Variants in NRDC observed in about 807,000 individuals in gnomAD.
NRDC encodes the protein nardilysin convertase.
Under a neutral mutation model 147.1 loss-of-function variants are expected in NRDC, and 54 were observed. That is an observed-to-expected ratio of 0.37 (90% CI 0.29 to 0.46). The LOEUF (loss-of-function observed/expected upper bound fraction) is 0.46, where lower values mean the gene tolerates loss of function less well. Ranked by LOEUF, NRDC falls within the 20% of genes least tolerant of loss-of-function variation. The pLI, the probability that NRDC is intolerant of heterozygous loss-of-function variation, is 1.00. For synonymous variants in NRDC, 440 were observed against 482.1 expected (o/e 0.91, Z 1.14); for missense variants, 1,082 against 1,370.6 (o/e 0.79, Z 3.33).
intron 15 of NRDC, among the ~76,000 whole-genome samples, chr1:51,811,587 C>T (rs774228910): frequency 1.3e-5 from 2 of 152,118 alleles, no homozygotes; most frequent in Non-Finnish European, 2.9e-5. Flanking sequence ...ATTCGGGAAC[C>T]TTACATTTTT....
chr1:51,790,751 A>G (rs534088608), intron 28 of NRDC, 102 bp from the exon 29 acceptor site: 2 of 990,352 alleles, frequency 2.0e-6, no homozygotes, highest in East Asian at 2.4e-5. Flanking sequence ...ACATGCCAGT[A>G]TAAGAGGCAC....
At position 51,792,045 on chromosome 1, in the gene NRDC, C is replaced by T. The variant is rs1678683034; in HGVS notation, c.2876+1G>A. ...CTCAGTGGCCCTGCCAGCTGACTTACCCAAGGGTCTGCTTGGTTCGAAGGA... is the reference window on the plus strand; with the variant it reads ...CTCAGTGGCCCTGCCAGCTGACTTATCCAAGGGTCTGCTTGGTTCGAAGGA... On this transcript the variant is annotated splice_donor_variant, in intron 26 of 30. Coordinates refer to ENST00000352171, the MANE Select transcript of NRDC (RefSeq NM_001101662.2). LOFTEE classifies it high-confidence loss of function. 6.2e-7 allele frequency: 1 copy of T among 1,613,964 alleles called. No homozygotes were observed.
Position 51,838,511 on chromosome 1 carries a change from C to T in NRDC, c.630+1715G>A, listed in dbSNP as rs181916732. ...GTCAGATCATGGGAAAAGCTACTTA[C>T]AGATAGATGGAAAGATATAGAAAAA... On this transcript the variant is annotated intron_variant, in intron 2 of 30. Coordinates refer to ENST00000352171, the MANE Select transcript of NRDC (RefSeq NM_001101662.2). Among the ~76,000 whole-genome samples the T allele has an allele frequency of 1.5e-3, 221 of 152,056 alleles. 1 individual carries two copies. Among genetic ancestry groups the T allele is most frequent in the Admixed American group, 5.6e-3 (86 of 15,266 alleles).
chr1:51,859,407 G>T (rs186628847), intron 1 of NRDC, among the ~76,000 whole-genome samples: 13 of 152,330 alleles, frequency 8.5e-5, no homozygotes, highest in Admixed American at 2.6e-4. Flanking sequence ...GGAGTCAGAG[G>T]TCTGGATGTA....
chr1:51,811,953 C>T, intron 15 of NRDC, 41 bp downstream of exon 15: 1 of 1,322,678 alleles, frequency 7.6e-7, no homozygotes, highest in Admixed American at 1.7e-5. Flanking sequence ...TCACCCTCCT[C>T]TTCCCCTAAA....
At chr1:51,795,292 A>C (rs1000873604) in intron 22 of NRDC, 48 of 1,040,896 alleles carry the variant, frequency 4.6e-5, no homozygotes, top group Non-Finnish European at 3.9e-5. Context: ...CTTATCTATA[A>C]AATAAGGGAT....
chr1:51,800,547 T>G lies in NRDC; in HGVS notation c.2441+9A>C. On this transcript the variant is annotated intron_variant, in intron 21 of 30. Transcript: ENST00000352171. ...CCTCAAAATATAAGCTCATCTCATT[T>G]ATACCCACTTGGCCAAAGTCTCGGG... 3 of 1,613,872 alleles carry G rather than the reference T, an allele frequency of 1.9e-6. No homozygotes were observed. Among genetic ancestry groups the G allele is most frequent in the Non-Finnish European group, 2.5e-6 (3 of 1,179,876 alleles).
intron 3 of NRDC, among the ~76,000 whole-genome samples, chr1:51,835,789 G>A (rs1680937609): frequency 6.6e-6 from 1 of 152,150 alleles, no homozygotes; most frequent in Non-Finnish European, 1.5e-5. Context: ...TCTGATGTTT[G>A]GCTGGGGGCC....
At chr1:51,804,930 G>C (rs59159176) in intron 19 of NRDC, among the ~76,000 whole-genome samples, 24 of 125,624 alleles carry the variant, frequency 1.9e-4, no homozygotes, top group African/African-American at 4.3e-4. Flanking sequence ...ACACATTTCC[G>C]AAGTATCAAC....
At chr1:51,814,849 C>A in intron 11 of NRDC, 36 bp from the exon 12 acceptor site, 1 of 1,540,720 alleles carries the variant, frequency 6.5e-7, no homozygotes, top group South Asian at 1.3e-5. Flanking sequence ...AATCAATGTT[C>A]CTGGATTGAC....
chr1:51,845,696 C>T (rs1031337011), intron 1 of NRDC, among the ~76,000 whole-genome samples: 2 of 152,178 alleles, frequency 1.3e-5, no homozygotes, highest in African/African-American at 4.8e-5. Context: ...TCTCTTTTAT[C>T]CTACTTTAAC....
chr1:51,816,524 T>C (rs1023099389), intron 10 of NRDC, 135 bp from the exon 11 acceptor site: 3 of 423,158 alleles, frequency 7.1e-6, no homozygotes. Flanking sequence ...AACATGAAAT[T>C]ATAATTAATT....
intron 1 of NRDC, among the ~76,000 whole-genome samples, chr1:51,857,657 T>C (rs548592621): frequency 6.6e-6 from 1 of 152,246 alleles, no homozygotes; most frequent in African/African-American, 2.4e-5. Flanking sequence ...CCGAACTGGG[T>C]TTGGAAGTCA....
Position 51,878,659 on chromosome 1 carries a change from C to A in NRDC, c.-44G>T. 6.5e-7 allele frequency: 1 copy of A among 1,538,184 alleles called. No individual in the cohort carries two copies. Among genetic ancestry groups the A allele is most frequent in the Non-Finnish European group, 8.8e-7 (1 of 1,131,850 alleles). ...GATGGACATCCCGCTTCCCAGGACC[C>A]ACCTCCTCCGCGTTCTAGAGGCGGT... On this transcript the variant is annotated 5_prime_UTR_variant, in exon 1 of 31. Coordinates refer to ENST00000352171, the MANE Select transcript of NRDC (RefSeq NM_001101662.2).
chr1:51,826,421 G>C (rs899190671), intron 5 of NRDC, among the ~76,000 whole-genome samples: 3 of 152,112 alleles, frequency 2.0e-5, no homozygotes, highest in African/African-American at 7.2e-5. Flanking sequence ...AACACTTAGA[G>C]ACCATATTTG....
chr1:51,858,374 G>A (rs1682359904), intron 1 of NRDC, among the ~76,000 whole-genome samples: 1 of 151,774 alleles, frequency 6.6e-6, no homozygotes, highest in South Asian at 2.1e-4. Context: ...AGCTACTCAG[G>A]AGGCTGAGGT....
intron 1 of NRDC, among the ~76,000 whole-genome samples, chr1:51,865,463 C>G (rs1682761087): frequency 6.6e-6 from 1 of 151,964 alleles, no homozygotes; most frequent in African/African-American, 2.4e-5. Flanking sequence ...CATGATCATG[C>G]CTGGCTAATT....
intron 21 of NRDC, chr1:51,798,946 G>C (rs1001173205): frequency 2.6e-5 from 4 of 152,128 alleles, no homozygotes; most frequent in African/African-American, 4.8e-5. Context: ...TGTAAAACAG[G>C]GGAAGTATTC....
intron 1 of NRDC, among the ~76,000 whole-genome samples, chr1:51,845,592 CAAAAAAAAGA>C (rs1557926420): frequency 6.7e-6 from 1 of 149,090 alleles, no homozygotes; most frequent in Non-Finnish European, 1.5e-5. Flanking sequence ...GACTCCGTCA[CAAAAAAAAGA>C]AAAGAAAAGA....
Sources: allele counts gnomAD v4.1 joint callset (sites outside exome capture counted in the v4.1 genomes callset), GRCh38; gene constraint gnomAD v4.1.1; transcripts MANE v1.5; gene names NCBI Gene and HGNC (gene_info 2026-07-23, HGNC 2026-07-21).